The following DPYD variants were observed in gnomAD, a reference collection of about 807,000 sequenced individuals.
The protein encoded by DPYD is dihydropyrimidine dehydrogenase.
Under a neutral mutation model 116.2 loss-of-function variants are expected in DPYD, and 109 were observed. The observed-to-expected ratio is 0.94, with a 90% confidence interval of 0.80 to 1.10. The LOEUF (loss-of-function observed/expected upper bound fraction) is 1.10. Ranked by LOEUF, DPYD falls within the 50% of genes least tolerant of loss-of-function variation. DPYD has a pLI of 0.00. For synonymous variants in DPYD, 440 were observed against 432.0 expected (o/e 1.02, Z -0.23); for missense variants, 1,302 against 1,254.5 (o/e 1.04, Z -0.57).
intron 8 of DPYD, among the ~76,000 whole-genome samples, chr1:97,615,460 C>T (rs1056299765): frequency 2.6e-5 from 4 of 152,058 alleles, no homozygotes; most frequent in Admixed American, 1.3e-4. Flanking sequence ...AACTACATAC[C>T]AGCTATGCAG....
At chr1:97,460,818 C>T (rs1411403527) in intron 13 of DPYD, among the ~76,000 whole-genome samples, 1 of 152,102 alleles carries the variant, frequency 6.6e-6, no homozygotes, top group Non-Finnish European at 1.5e-5. Flanking sequence ...GTGGGCGGAT[C>T]ACCCGAGGTC....
chr1:97,616,609 A>G (rs1055746840), intron 8 of DPYD, among the ~76,000 whole-genome samples: 1 of 152,160 alleles, frequency 6.6e-6, no homozygotes, highest in African/African-American at 2.4e-5. Context: ...AGAATCACAA[A>G]TATTAAAAAC....
At chr1:97,322,695 T>G (rs1053496829) in intron 16 of DPYD, 1 of 152,008 alleles carries the variant, frequency 6.6e-6, no homozygotes, top group Admixed American at 6.6e-5. Flanking sequence ...GTTCTCTATT[T>G]TAATCTTTCA....
intron 18 of DPYD, among the ~76,000 whole-genome samples, chr1:97,285,928 T>C (rs562411283): frequency 8.5e-4 from 130 of 152,278 alleles, no homozygotes; most frequent in African/African-American, 3.0e-3. Context: ...ACATTTAAAG[T>C]TAATATTGTT....
At chr1:97,482,918 T>C (rs953209657) in intron 13 of DPYD, among the ~76,000 whole-genome samples, 2 of 152,206 alleles carry the variant, frequency 1.3e-5, no homozygotes, top group South Asian at 4.1e-4. Flanking sequence ...ATTTTATGTT[T>C]GTAGCTATAT....
chr1:97,735,785 CA>C (rs1270942052), intron 4 of DPYD, among the ~76,000 whole-genome samples: 7 of 151,238 alleles, frequency 4.6e-5, no homozygotes, highest in East Asian at 3.9e-4. Context: ...AAAAAAAGCA[CA>C]AAAAACTCTT....
At chr1:97,603,534 G>T (rs2786499) in intron 8 of DPYD, among the ~76,000 whole-genome samples, 2,317 of 152,138 alleles carry the variant, frequency 0.015, 51 homozygotes, top group African/African-American at 0.052. Context: ...GTAGGAAACA[G>T]CATTAAAGCT....
chr1:97,493,743 C>G (rs1316724095), intron 13 of DPYD, among the ~76,000 whole-genome samples: 1 of 152,164 alleles, frequency 6.6e-6, no homozygotes, highest in African/African-American at 2.4e-5. Context: ...AAGAGGCCCA[C>G]AGCAAACCTT....
At chr1:97,741,103 G>A (rs1664247297) in intron 3 of DPYD, among the ~76,000 whole-genome samples, 1 of 152,086 alleles carries the variant, frequency 6.6e-6, no homozygotes, top group African/African-American at 2.4e-5. Context: ...CTCTGCTGCT[G>A]AAGAGAATGG....
At chr1:97,746,971 T>C (rs112714422) in intron 3 of DPYD, among the ~76,000 whole-genome samples, 43 of 151,912 alleles carry the variant, frequency 2.8e-4, no homozygotes, top group African/African-American at 9.2e-4. Flanking sequence ...ACGAATGTAC[T>C]GATAATTATG....
At chr1:97,163,682 G>A (rs1201399214) in intron 20 of DPYD, among the ~76,000 whole-genome samples, 1 of 152,168 alleles carries the variant, frequency 6.6e-6, no homozygotes, top group African/African-American at 2.4e-5. Flanking sequence ...AGGGTCAGAA[G>A]GGCAAGAAAG....
At chr1:97,844,685 G>A (rs1184167962) in intron 2 of DPYD, among the ~76,000 whole-genome samples, 1 of 152,168 alleles carries the variant, frequency 6.6e-6, no homozygotes. Context: ...CAGGAGCCAG[G>A]TACAGGTGGG....
At chr1:97,453,394 T>C (rs1025117328) in intron 13 of DPYD, among the ~76,000 whole-genome samples, 1 of 152,114 alleles carries the variant, frequency 6.6e-6, no homozygotes, top group Non-Finnish European at 1.5e-5. Context: ...TTTATGTTTG[T>C]CCTGTATGCT....
At chr1:97,196,801 C>T (rs942849528) in intron 19 of DPYD, among the ~76,000 whole-genome samples, 6 of 152,134 alleles carry the variant, frequency 3.9e-5, no homozygotes, top group African/African-American at 7.2e-5. Context: ...TAGATATAGA[C>T]ATTAACAGAG....
At chr1:97,462,121 T>C (rs1340399961) in intron 13 of DPYD, among the ~76,000 whole-genome samples, 2 of 152,166 alleles carry the variant, frequency 1.3e-5, no homozygotes, top group Non-Finnish European at 2.9e-5. Flanking sequence ...ATTAACCAAG[T>C]AAACAAAGAA....
chr1:97,431,309 T>C (rs12126093), intron 14 of DPYD, among the ~76,000 whole-genome samples: 34,650 of 152,046 alleles, frequency 0.23, 4,401 homozygotes, highest in Middle Eastern at 0.37. Flanking sequence ...ATGAATATTA[T>C]TGAGGCACTA....
intron 20 of DPYD, among the ~76,000 whole-genome samples, chr1:97,176,062 A>C (rs1657233254): frequency 6.6e-6 from 1 of 152,194 alleles, no homozygotes; most frequent in African/African-American, 2.4e-5. Context: ...AACAAACATC[A>C]GTGAAGCCTA....
intron 14 of DPYD, among the ~76,000 whole-genome samples, chr1:97,445,314 C>T (rs912245180): frequency 6.6e-6 from 1 of 152,214 alleles, no homozygotes; most frequent in African/African-American, 2.4e-5. Context: ...TTTTGATGTA[C>T]ACAGCCCAAC....
chr1:97,235,075 G>A (rs1661820658), intron 18 of DPYD, 81 bp from the exon 19 acceptor site: 1 of 1,549,456 alleles, frequency 6.5e-7, no homozygotes, highest in African/African-American at 1.4e-5. Flanking sequence ...TTACTATGAT[G>A]TGATGACAGC....
Sources: allele counts gnomAD v4.1 joint callset (sites outside exome capture counted in the v4.1 genomes callset), GRCh38; gene constraint gnomAD v4.1.1; transcripts MANE v1.5; gene names NCBI Gene and HGNC (gene_info 2026-07-23, HGNC 2026-07-21).